FHIT: variants seen among roughly 807,000 people sequenced by gnomAD.
FHIT encodes the protein bis(5'-adenosyl)-triphosphatase.
In FHIT, 19 loss-of-function variants were observed where a neutral mutation model predicts 17.9. That is an observed-to-expected ratio of 1.06 (90% CI 0.74 to 1.56). FHIT has a LOEUF of 1.56. Among genes scored for constraint, FHIT ranks in the 40% most tolerant of loss-of-function variants. The pLI is 0.00. For missense variants in FHIT, 248 were observed against 189.2 expected (o/e 1.31, Z -1.82); for synonymous variants, 81 against 69.7 (o/e 1.16, Z -0.81).
chr3:60,184,255 C>A (rs894591067), intron 5 of FHIT, among the ~76,000 whole-genome samples: 6 of 152,086 alleles, frequency 3.9e-5, no homozygotes, highest in Non-Finnish European at 7.4e-5. Flanking sequence ...TTACTATTAA[C>A]AAAAGCCTCT....
chr3:60,195,553 A>ATATATATATATATATATATATATATT (rs148013554), intron 5 of FHIT, among the ~76,000 whole-genome samples: 3,561 of 136,212 alleles, frequency 0.026, 82 homozygotes, highest in East Asian at 0.078. Context: ...TGTGATATAT[A>ATATATATATATATATATATATATATT]TATATATTTA....
intron 3 of FHIT, among the ~76,000 whole-genome samples, chr3:60,839,217 T>C (rs1208951471): frequency 1.3e-5 from 2 of 152,198 alleles, no homozygotes; most frequent in Non-Finnish European, 2.9e-5. Flanking sequence ...TATAACACTC[T>C]TTTTAAAGTA....
chr3:59,837,306 A>G (rs1701372430), intron 8 of FHIT, among the ~76,000 whole-genome samples: 2 of 152,220 alleles, frequency 1.3e-5, no homozygotes, highest in Admixed American at 1.3e-4. Flanking sequence ...AAAATGTCAT[A>G]GTATTTGCAT....
chr3:59,980,544 G>C (rs528471212), intron 7 of FHIT, among the ~76,000 whole-genome samples: 28 of 152,144 alleles, frequency 1.8e-4, no homozygotes, highest in South Asian at 6.2e-4. Flanking sequence ...TAGCAGAGAA[G>C]AGCTTCAAAC....
chr3:59,798,428 T>C (rs1460190121), intron 8 of FHIT, among the ~76,000 whole-genome samples: 2 of 152,148 alleles, frequency 1.3e-5, no homozygotes, highest in African/African-American at 2.4e-5. Flanking sequence ...ATGCTATGGT[T>C]CTGTGAGTTA....
At chr3:60,087,339 A>G (rs1370317277) in intron 5 of FHIT, among the ~76,000 whole-genome samples, 1 of 152,166 alleles carries the variant, frequency 6.6e-6, no homozygotes, top group Non-Finnish European at 1.5e-5. Context: ...CTTGACTACT[A>G]GCACCTGGCT....
intron 5 of FHIT, among the ~76,000 whole-genome samples, chr3:60,263,429 T>C (rs190381828): frequency 2.2e-4 from 34 of 152,066 alleles, no homozygotes; most frequent in African/African-American, 8.2e-4. Flanking sequence ...AGCCATAAAG[T>C]AGACACAACC....
intron 7 of FHIT, among the ~76,000 whole-genome samples, chr3:59,995,786 G>A (rs748959014): frequency 1.3e-5 from 2 of 151,976 alleles, no homozygotes; most frequent in African/African-American, 4.8e-5. Context: ...AACTCGGCAC[G>A]TTCCATTTCA....
At chr3:60,189,846 T>G (rs1439412946) in intron 5 of FHIT, among the ~76,000 whole-genome samples, 1 of 152,220 alleles carries the variant, frequency 6.6e-6, no homozygotes, top group Admixed American at 6.5e-5. Context: ...CGGAGTTGGT[T>G]GGTTAGGTTC....
chr3:60,550,751 T>A (rs2036519386), intron 4 of FHIT, among the ~76,000 whole-genome samples: 1 of 152,198 alleles, frequency 6.6e-6, no homozygotes, highest in Non-Finnish European at 1.5e-5. Flanking sequence ...CACCTATTCA[T>A]TTAATAAATA....
intron 5 of FHIT, among the ~76,000 whole-genome samples, chr3:60,074,495 T>TATTC (rs3884255): frequency 0.083 from 12,598 of 151,784 alleles, 686 homozygotes; most frequent in African/African-American, 0.17. Context: ...AAAATTTGCT[T>TATTC]ATTCATTCAT....
rs574889072 is a variant in FHIT at position 61,218,729 on chromosome 3, T to G, written c.-212-18064A>C. ...TTGGCCTCACCGTAATCATATAGTG[T>G]CTTATGATAGGAACCCATGCTATTG... On this transcript the variant is annotated intron_variant, in intron 1 of 9. Coordinates refer to ENST00000492590, the MANE Select transcript of FHIT (RefSeq NM_002012.4). Among the ~76,000 whole-genome samples, 4 of 152,300 alleles carry G rather than the reference T, an allele frequency of 2.6e-5. No homozygotes were observed. In the South Asian group the frequency reaches 8.3e-4, roughly 32 times the overall value.
chr3:60,965,736 G>A (rs1436877061), intron 3 of FHIT, among the ~76,000 whole-genome samples: 10 of 152,184 alleles, frequency 6.6e-5, no homozygotes, highest in Admixed American at 5.2e-4. Flanking sequence ...TATCACCAGC[G>A]GAGGCTGCAG....
chr3:61,235,082 T>C (rs1457550403), intron 1 of FHIT, among the ~76,000 whole-genome samples: 11 of 152,252 alleles, frequency 7.2e-5, no homozygotes, highest in Non-Finnish European at 1.3e-4. Context: ...AATGTTAATT[T>C]GCTATGTCAT....
At chr3:60,113,189 CT>C (rs1302407705) in intron 5 of FHIT, among the ~76,000 whole-genome samples, 3 of 152,212 alleles carry the variant, frequency 2.0e-5, no homozygotes, top group African/African-American at 7.2e-5. Context: ...TCCTTATCTC[CT>C]TTCCCTACTA....
At chr3:60,795,080 G>A (rs1190599602) in intron 4 of FHIT, among the ~76,000 whole-genome samples, 5 of 151,994 alleles carry the variant, frequency 3.3e-5, no homozygotes, top group South Asian at 2.1e-4. Context: ...CTCAAATGTC[G>A]GTATAATAGA....
chr3:59,831,886 G>A (rs981583804), intron 8 of FHIT, among the ~76,000 whole-genome samples: 2 of 152,136 alleles, frequency 1.3e-5, no homozygotes, highest in African/African-American at 4.8e-5. Flanking sequence ...TTCACTCCTA[G>A]CCTGGGATTC....
At chr3:60,442,049 G>C (rs1046979524) in intron 5 of FHIT, among the ~76,000 whole-genome samples, 13 of 150,832 alleles carry the variant, frequency 8.6e-5, no homozygotes, top group African/African-American at 3.2e-4. Flanking sequence ...TTGTAGAAAT[G>C]GGATCTCACT....
chr3:60,190,949 A>G (rs909609920), intron 5 of FHIT, among the ~76,000 whole-genome samples: 1 of 151,986 alleles, frequency 6.6e-6, no homozygotes, highest in Admixed American at 6.6e-5. Flanking sequence ...TCTCAAAAAA[A>G]AACTAAGGGA....
Sources: gnomAD v4.1 joint callset for allele counts (sites outside exome capture counted in the v4.1 genomes callset) on GRCh38, gnomAD v4.1.1 for gene constraint, MANE v1.5 for transcripts, NCBI Gene and HGNC (gene_info 2026-07-23, HGNC 2026-07-21) for gene names.